Variants in CDK14 observed in about 807,000 individuals in gnomAD.
CDK14 encodes the protein cyclin-dependent kinase 14.
In CDK14, 34 loss-of-function variants were observed where a neutral mutation model predicts 60.7. The ratio of observed to expected loss-of-function variants is 0.56; its 90% confidence interval spans 0.43 to 0.75. The LOEUF (loss-of-function observed/expected upper bound fraction) is 0.75, where lower values mean the gene tolerates loss of function less well. Among genes scored for constraint, CDK14 ranks in the 30% least tolerant of loss-of-function variants. CDK14 has a pLI of 0.00. For missense variants in CDK14, 482 were observed against 564.1 expected, an observed-to-expected ratio of 0.85 and a Z score of 1.47; for synonymous variants, 197 against 203.7, an observed-to-expected ratio of 0.97 and a Z score of 0.28.
intron 5 of CDK14, among the ~76,000 whole-genome samples, chr7:90,833,190 A>G (rs1789971095): frequency 6.6e-6 from 1 of 152,210 alleles, no homozygotes; most frequent in Non-Finnish European, 1.5e-5. Flanking sequence ...GGATGCTTCC[A>G]ACTATTAGTT....
chr7:90,752,354 T>C (rs868402279), intron 4 of CDK14, among the ~76,000 whole-genome samples: 5 of 151,874 alleles, frequency 3.3e-5, no homozygotes, highest in Middle Eastern at 6.8e-3. Context: ...TAAGAATCAA[T>C]ACCAAGAGGA....
intron 14 of CDK14, among the ~76,000 whole-genome samples, chr7:91,179,156 A>C (rs1387430236): frequency 2.6e-5 from 4 of 152,000 alleles, no homozygotes; most frequent in African/African-American, 7.2e-5. Context: ...CATATACACC[A>C]TGGAATACTA....
intron 5 of CDK14, among the ~76,000 whole-genome samples, chr7:90,850,497 AG>A (rs1157456864): frequency 6.6e-6 from 1 of 152,174 alleles, no homozygotes; most frequent in Non-Finnish European, 1.5e-5. Context: ...AGGTTAGAAA[AG>A]GCACCTCACT....
intron 14 of CDK14, among the ~76,000 whole-genome samples, chr7:91,175,021 T>G (rs1801676576): frequency 7.0e-6 from 1 of 143,036 alleles, no homozygotes; most frequent in Non-Finnish European, 1.5e-5. Context: ...TCACCAAAGT[T>G]GAAATGAAGG....
intron 4 of CDK14, among the ~76,000 whole-genome samples, chr7:90,782,259 A>G (rs561582064): frequency 2.0e-5 from 3 of 152,266 alleles, no homozygotes; most frequent in African/African-American, 7.2e-5. Context: ...ATTTTTGCAC[A>G]TTGATTTTAT....
intron 4 of CDK14, among the ~76,000 whole-genome samples, chr7:90,776,713 G>C (rs1805062300): frequency 6.6e-6 from 1 of 152,110 alleles, no homozygotes; most frequent in African/African-American, 2.4e-5. Context: ...ATAGTACTTT[G>C]GTTCTCTTTG....
chr7:90,773,097 T>C (rs74811002), intron 4 of CDK14, among the ~76,000 whole-genome samples: 3,332 of 152,354 alleles, frequency 0.022, 52 homozygotes, highest in African/African-American at 0.03. Context: ...AAAGAATGAT[T>C]AGTTGAAAAC....
chr7:90,811,508 A>C (rs192914260), intron 5 of CDK14, among the ~76,000 whole-genome samples: 2,307 of 152,320 alleles, frequency 0.015, 48 homozygotes, highest in African/African-American at 0.051. Context: ...TCAAACCATA[A>C]AAACCCTAGA....
intron 10 of CDK14, among the ~76,000 whole-genome samples, chr7:90,992,973 C>T (rs1288620527): frequency 1.3e-5 from 2 of 152,084 alleles, no homozygotes; most frequent in African/African-American, 4.8e-5. Context: ...GTCAGTTCAC[C>T]ATGAGAGTTA....
chr7:90,814,074 A>G (rs1415015167), intron 5 of CDK14, among the ~76,000 whole-genome samples: 1 of 152,204 alleles, frequency 6.6e-6, no homozygotes, highest in African/African-American at 2.4e-5. Context: ...TATTATCAGA[A>G]ATAAAACTTT....
intron 10 of CDK14, among the ~76,000 whole-genome samples, chr7:90,999,617 C>T (rs1419669117): frequency 1.3e-5 from 2 of 152,030 alleles, no homozygotes; most frequent in Non-Finnish European, 2.9e-5. Context: ...GTCATCAGTA[C>T]TCTGGGGTAG....
At chr7:90,722,756 A>G (rs1395863873) in intron 2 of CDK14, among the ~76,000 whole-genome samples, 1 of 152,184 alleles carries the variant, frequency 6.6e-6, no homozygotes, top group Non-Finnish European at 1.5e-5. Context: ...AGTCAGATCC[A>G]TTAAATGAGA....
intron 3 of CDK14, among the ~76,000 whole-genome samples, chr7:90,732,584 C>A (rs760456143): frequency 6.6e-5 from 10 of 152,064 alleles, no homozygotes; most frequent in Non-Finnish European, 1.3e-4. Flanking sequence ...TGTATGTGTC[C>A]AGGAATTTAT....
At chr7:91,019,242 G>A (rs767079086) in intron 10 of CDK14, among the ~76,000 whole-genome samples, 7 of 152,118 alleles carry the variant, frequency 4.6e-5, no homozygotes, top group African/African-American at 7.2e-5. Flanking sequence ...ATCATCCCTG[G>A]TAGACTGGCT....
chr7:90,643,714 T>C (rs1016998601), intron 2 of CDK14, among the ~76,000 whole-genome samples: 3 of 152,222 alleles, frequency 2.0e-5, no homozygotes, highest in Admixed American at 6.5e-5. Flanking sequence ...CTTTATTTAC[T>C]GTCTTCTCAG....
intron 10 of CDK14, among the ~76,000 whole-genome samples, chr7:90,990,703 T>C (rs369649902): frequency 7.9e-5 from 12 of 152,274 alleles, no homozygotes; most frequent in South Asian, 6.2e-4. Context: ...TAACAGGAAA[T>C]AGAGAGCCAT....
intron 2 of CDK14, among the ~76,000 whole-genome samples, chr7:90,637,427 C>A (rs1800180338): frequency 1.3e-5 from 2 of 152,080 alleles, no homozygotes; most frequent in Non-Finnish European, 2.9e-5. Context: ...TGTTCAGTTT[C>A]CATGTAGTTG....
chr7:90,608,213 C>G (rs1392346136), intron 2 of CDK14, among the ~76,000 whole-genome samples: 2 of 152,058 alleles, frequency 1.3e-5, no homozygotes, highest in African/African-American at 4.8e-5. Flanking sequence ...CCCCATTTTT[C>G]CTGGAATAAT....
intron 2 of CDK14, among the ~76,000 whole-genome samples, chr7:90,678,337 G>A (rs1377772869): frequency 6.6e-6 from 1 of 152,162 alleles, no homozygotes; most frequent in African/African-American, 2.4e-5. Flanking sequence ...TTTGGTCGCT[G>A]AGACCTTTCC....
Sources: gnomAD v4.1 joint callset for allele counts (sites outside exome capture counted in the v4.1 genomes callset) on GRCh38, gnomAD v4.1.1 for gene constraint, MANE v1.5 for transcripts, NCBI Gene and HGNC (gene_info 2026-07-23, HGNC 2026-07-21) for gene names.